Variants in ROBO2 observed in about 807,000 individuals in gnomAD.
The protein encoded by ROBO2 is roundabout guidance receptor 2.
In ROBO2, 53 loss-of-function variants were observed where a neutral mutation model predicts 160.8. The observed-to-expected ratio is 0.33, with a 90% confidence interval of 0.26 to 0.41. The LOEUF is 0.41. Ranked by LOEUF, ROBO2 falls within the 10% of genes least tolerant of loss-of-function variation. ROBO2 has a pLI of 1.00. For synonymous variants in ROBO2, 664 were observed against 611.7 expected, an observed-to-expected ratio of 1.09 and a Z score of -1.26; for missense variants, 1,577 against 1,722.4, an observed-to-expected ratio of 0.92 and a Z score of 1.49.
At chr3:76,679,246 T>C (rs72888359) in intron 2 of ROBO2, among the ~76,000 whole-genome samples, 2,841 of 152,272 alleles carry the variant, frequency 0.019, 87 homozygotes, top group African/African-American at 0.065. Flanking sequence ...TTTTGGTCAA[T>C]TAACTTAAGA....
intron 15 of ROBO2, among the ~76,000 whole-genome samples, chr3:77,579,327 G>T (rs1272171132): frequency 6.6e-6 from 1 of 152,060 alleles, no homozygotes; most frequent in Non-Finnish European, 1.5e-5. Context: ...TGTGTGTGTA[G>T]ATATGTGTTG....
intron 2 of ROBO2, among the ~76,000 whole-genome samples, chr3:77,180,934 A>G (rs1387094163): frequency 6.6e-6 from 1 of 152,092 alleles, no homozygotes; most frequent in Non-Finnish European, 1.5e-5. Context: ...GATTTTTGAA[A>G]AAGAGTTACT....
intron 21 of ROBO2, among the ~76,000 whole-genome samples, chr3:77,614,463 G>A (rs1420919012): frequency 6.6e-6 from 1 of 152,196 alleles, no homozygotes; most frequent in African/African-American, 2.4e-5. Flanking sequence ...ACACACTAGT[G>A]TGTGTCTGTT....
chr3:76,937,159 A>G (rs1380969169), intron 2 of ROBO2, among the ~76,000 whole-genome samples: 1 of 152,178 alleles, frequency 6.6e-6, no homozygotes, highest in Admixed American at 6.5e-5. Context: ...TTTGTAACGA[A>G]GTAAAACTTA....
chr3:77,568,069 G>A (rs992854934), intron 12 of ROBO2, among the ~76,000 whole-genome samples: 4 of 151,774 alleles, frequency 2.6e-5, no homozygotes, highest in Non-Finnish European at 5.9e-5. Context: ...ATTTGAATGC[G>A]GATGAGGGAT....
Position 76,936,118 on chromosome 3 carries a change from A to G in ROBO2, c.110-161896A>G, listed in dbSNP as rs115478221. 3.9e-3 allele frequency among the ~76,000 whole-genome samples: 589 copies of G among 152,290 alleles called. 3 individuals carry two copies. The highest frequency in any genetic ancestry group is 0.013 in the African/African-American group (556 of 41,556). On this transcript the variant is annotated intron_variant, in intron 2 of 26. Transcript: ENST00000487694. ...ATTTTGTGTCCTTCTTATGTGTACT[A>G]TTAAGATGCATATTATGTTCATATG...
chr3:76,347,619 T>C (rs1426622218), intron 2 of ROBO2, among the ~76,000 whole-genome samples: 1 of 152,062 alleles, frequency 6.6e-6, no homozygotes, highest in Non-Finnish European at 1.5e-5. Flanking sequence ...TATAATCTTA[T>C]ACTTTTTAGA....
chr3:76,280,122 A>T (rs185828659), intron 2 of ROBO2, among the ~76,000 whole-genome samples: 1 of 152,156 alleles, frequency 6.6e-6, no homozygotes, highest in East Asian at 1.9e-4. Context: ...CAAAATAAGC[A>T]TGAATTCCTG....
chr3:75,941,816 A>G (rs565902641), intron 2 of ROBO2, among the ~76,000 whole-genome samples: 4 of 152,302 alleles, frequency 2.6e-5, no homozygotes, highest in Non-Finnish European at 5.9e-5. Flanking sequence ...CCTATTTAGC[A>G]AGTTCTCAAA....
At chr3:76,800,096 A>T (rs2064083824) in intron 2 of ROBO2, among the ~76,000 whole-genome samples, 1 of 152,198 alleles carries the variant, frequency 6.6e-6, no homozygotes, top group Non-Finnish European at 1.5e-5. Context: ...TTTTTGACAA[A>T]GGTGTCAAGA....
At chr3:76,360,319 C>A (rs923989546) in intron 2 of ROBO2, among the ~76,000 whole-genome samples, 1 of 151,862 alleles carries the variant, frequency 6.6e-6, no homozygotes, top group Non-Finnish European at 1.5e-5. Flanking sequence ...GTGTTTGTAC[C>A]CCCTGTCATG....
intron 2 of ROBO2, among the ~76,000 whole-genome samples, chr3:76,808,681 T>C (rs967793595): frequency 7.9e-5 from 12 of 152,090 alleles, no homozygotes; most frequent in Non-Finnish European, 1.6e-4. Context: ...CAATGGAAAG[T>C]GGCTCAAATG....
chr3:77,343,851 C>G (rs2067331881), intron 2 of ROBO2, among the ~76,000 whole-genome samples: 1 of 152,140 alleles, frequency 6.6e-6, no homozygotes, highest in African/African-American at 2.4e-5. Context: ...GAGAGCTTTA[C>G]TGCAGTCTGC....
intron 1 of ROBO2, among the ~76,000 whole-genome samples, chr3:77,080,225 A>G (rs888226234): frequency 4.6e-5 from 7 of 152,146 alleles, no homozygotes; most frequent in African/African-American, 1.4e-4. Flanking sequence ...TAAGTCACGT[A>G]CCTATTCAGC....
At chr3:77,632,460 A>G (rs2095183494) in intron 23 of ROBO2, 1 of 1,521,980 alleles carries the variant, frequency 6.6e-7, no homozygotes, top group Non-Finnish European at 8.8e-7. Flanking sequence ...CTAGACAACT[A>G]CATTTGTTTT....
chr3:76,200,890 C>A (rs912621943), intron 2 of ROBO2, among the ~76,000 whole-genome samples: 2 of 152,090 alleles, frequency 1.3e-5, no homozygotes, highest in Non-Finnish European at 2.9e-5. Context: ...CCTTACAAAA[C>A]TAGCATGTGG....
At chr3:77,316,750 A>T (rs2064034803) in intron 2 of ROBO2, 8 of 1,023,220 alleles carry the variant, frequency 7.8e-6, no homozygotes, top group Non-Finnish European at 9.3e-6. Context: ...TATGGTATTC[A>T]TTCATGCTTG....
intron 21 of ROBO2, among the ~76,000 whole-genome samples, chr3:77,608,627 C>G (rs1017623542): frequency 6.6e-6 from 1 of 152,144 alleles, no homozygotes. Context: ...TACAAAGACA[C>G]TGATATTTTT....
chr3:76,502,962 T>C (rs1048976156), intron 2 of ROBO2, among the ~76,000 whole-genome samples: 16 of 151,984 alleles, frequency 1.1e-4, no homozygotes, highest in African/African-American at 3.9e-4. Flanking sequence ...TAGTCAGGGT[T>C]CTCTTAGAGG....
Sources: gnomAD v4.1 joint callset for allele counts (sites outside exome capture counted in the v4.1 genomes callset) on GRCh38, gnomAD v4.1.1 for gene constraint, MANE v1.5 for transcripts, NCBI Gene and HGNC (gene_info 2026-07-23, HGNC 2026-07-21) for gene names.